PCNX4: variants seen among roughly 807,000 people sequenced by gnomAD.
The protein encoded by PCNX4 is pecanex 4, also known as pecanex-like protein 4.
A neutral mutation model predicts 107.2 loss-of-function variants in PCNX4; 103 were observed. The observed-to-expected ratio is 0.96, with a 90% CI of 0.82 to 1.13. The LOEUF (loss-of-function observed/expected upper bound fraction) is 1.13, where lower values mean the gene tolerates loss of function less well. PCNX4 is among the 50% of genes most tolerant of loss of function. PCNX4 has a pLI of 0.00. For synonymous variants in PCNX4, 541 were observed against 481.7 expected (o/e 1.12, Z -1.61); for missense variants, 1,528 against 1,379.4 (o/e 1.11, Z -1.71).
In PCNX4 at chr14:60,140,138, A is replaced by AG. The variant is rs1380942079; in HGVS notation, c.*5917_*5918insG. 3.3e-5 allele frequency: 5 copies of AG among 152,200 alleles called. No individual in the cohort carries two copies. The highest frequency in any genetic ancestry group is 5.9e-5 in the Non-Finnish European group (4 of 68,012). 9.4% of individuals were successfully genotyped at this position (152,200 alleles called of 1,614,324 possible). ...TAATTGATAAGTGTCTGGTAGACTG[A>AG]AAAAGGAAGAAACACAAACAACCAA... On this transcript the variant is annotated 3_prime_UTR_variant, in exon 11 of 11. Transcript: ENST00000406854. This position sits in a 1 kb window ranked among gnomAD's most constrained non-coding sequence, Gnocchi z 4.2.
chr14:60,096,513 G>A (rs754255272), intron 1 of PCNX4, among the ~76,000 whole-genome samples: 40 of 152,204 alleles, frequency 2.6e-4, no homozygotes, highest in Non-Finnish European at 5.4e-4. Flanking sequence ...TGGCAGGTCT[G>A]AATTACTCGT....
intron 10 of PCNX4, among the ~76,000 whole-genome samples, chr14:60,130,350 A>G (rs1036507054): frequency 1.3e-5 from 2 of 150,794 alleles, no homozygotes; most frequent in Admixed American, 6.6e-5. Context: ...AAACCACATG[A>G]TCATCTCGGT....
intron 2 of PCNX4, chr14:60,108,607 T>A (rs1404377391): frequency 4.5e-6 from 1 of 223,086 alleles, no homozygotes; most frequent in Non-Finnish European, 9.5e-6. Flanking sequence ...TTTGAGTTTT[T>A]AAGATAGCCT....
At position 60,143,368 on chromosome 14, in the gene PCNX4, A is replaced by C. The variant is rs776994106; in HGVS notation, c.*9147A>C. The C allele has an allele frequency of 2.0e-5, 3 of 152,214 alleles. No homozygotes were observed. Among genetic ancestry groups the C allele is most frequent in the Non-Finnish European group, 4.4e-5 (3 of 68,034 alleles). The allele number at this position is 152,214 out of a possible 1,614,324, so 9.4% of individuals were successfully genotyped here. A position where few individuals can be genotyped will look rare whatever the true frequency, so the allele number is the denominator to read the frequency against. On this transcript the variant is annotated 3_prime_UTR_variant, in exon 11 of 11. Transcript: ENST00000406854. ...TTATAATTGGTGTGTTGTATTCAATAAATAATGTTGTTATTCCAGTTTTCA... is the reference window on the plus strand; with the variant it reads ...TTATAATTGGTGTGTTGTATTCAATCAATAATGTTGTTATTCCAGTTTTCA...
rs199803338 is a variant in PCNX4 at position 60,115,111 on chromosome 14, T to G, written c.1007T>G (p.Ile336Ser). 6.2e-7 allele frequency: 1 copy of G among 1,613,950 alleles called. No individual in the cohort carries two copies. The highest frequency in any genetic ancestry group is 8.5e-7 in the Non-Finnish European group (1 of 1,179,856). ...AACTTAAGTGATATGGGTCACAAAA[T>G]TGGAACCAAATCTAAGGATTTACCC... is the stretch of plus-strand genomic sequence containing the variant. ...SLNLSDMGHK[I>S]GTKSKDLPSG... The change falls in exon 4 of 11, where the codon ATT becomes AGT. Residue 336 changes from isoleucine (I) to serine (S), a missense_variant. By Grantham distance (142) the Ile-to-Ser change is moderately radical (BLOSUM62 -2). Coordinates refer to ENST00000406854, the MANE Select transcript of PCNX4 (RefSeq NM_001330177.2).
intron 2 of PCNX4, among the ~76,000 whole-genome samples, chr14:60,114,093 C>CA (rs1005684983): frequency 1.3e-5 from 2 of 152,166 alleles, no homozygotes; most frequent in African/African-American, 2.4e-5. Flanking sequence ...TGCAGAGATA[C>CA]AGTCATAACC....
chr14:60,117,976 T>C (rs1185436959), intron 6 of PCNX4, among the ~76,000 whole-genome samples: 1 of 152,178 alleles, frequency 6.6e-6, no homozygotes, highest in Non-Finnish European at 1.5e-5. Context: ...GTTATTCAGA[T>C]TTTTTATTTC....
chr14:60,115,985 A>G lies in PCNX4; in HGVS notation c.1503A>G (p.Val501=). ...ATGCTTTATTGGAGACAGTCATTGT[A>G]TCAACAGTACACTTGATCTCCAGTA... ...TENALLETVI[V]STVHLISSTD... Residue 501 remains valine (V), a synonymous_variant, in exon 6 of 11, where the codon GTA becomes GTG. Coordinates refer to ENST00000406854, the MANE Select transcript of PCNX4 (RefSeq NM_001330177.2). 2 of 1,612,724 alleles carry G rather than the reference A, an allele frequency of 1.2e-6. No homozygotes were observed. Among genetic ancestry groups the G allele is most frequent in the East Asian group, 2.2e-5 (1 of 44,842 alleles).
rs1045374549 is a variant in PCNX4 at position 60,134,199 on chromosome 14, C to G, written c.3497C>G (p.Pro1166Arg). ...GGATATCCGATTTATTCTTCAAAAC[C>G]TCTCCACATACATTTGTATTAGAGC... ...PLGYPIYSSK[P>R]LHIHLY The change falls in exon 11 of 11, where the codon CCT becomes CGT. Residue 1166 changes from proline (P) to arginine (R), a missense_variant. Pro to Arg is a moderately radical substitution (Grantham distance 103). Coordinates refer to ENST00000406854, the MANE Select transcript of PCNX4 (RefSeq NM_001330177.2). 6.2e-7 allele frequency: 1 copy of G among 1,613,524 alleles called. No homozygotes were observed. The highest frequency in any genetic ancestry group is 8.5e-7 in the Non-Finnish European group (1 of 1,179,592).
chr14:60,105,996 C>G (rs982656113), intron 1 of PCNX4, among the ~76,000 whole-genome samples: 6 of 152,194 alleles, frequency 3.9e-5, no homozygotes, highest in East Asian at 3.9e-4. Context: ...GTGTGACCTT[C>G]CTTACCCATT....
intron 10 of PCNX4, among the ~76,000 whole-genome samples, chr14:60,126,796 C>G (rs1476100154): frequency 3.3e-5 from 5 of 152,208 alleles, no homozygotes; most frequent in Non-Finnish European, 5.9e-5. Flanking sequence ...GGGATGGAGA[C>G]TTTATCTTGG....
Position 60,116,456 on chromosome 14 carries a change from C to T in PCNX4, c.1578+396C>T, listed in dbSNP as rs535631355. Among the ~76,000 whole-genome samples the T allele has an allele frequency of 6.6e-5, 10 of 152,262 alleles. No individual in the cohort carries two copies. The East Asian group carries it at 1.2e-3, about 18-fold the overall frequency. ...AGTCAATGACAGACCACATATACAA[C>T]GGTGGTTTCATAAGATTATTATGGA... is the stretch of plus-strand genomic sequence containing the variant. On this transcript the variant is annotated intron_variant, in intron 6 of 10. Coordinates refer to ENST00000406854, the MANE Select transcript of PCNX4 (RefSeq NM_001330177.2).
rs1895598116 is a variant in PCNX4, at chr14:60,104,700, C to T, written c.-53-2886C>T. On this transcript the variant is annotated intron_variant, in intron 1 of 10. Transcript: ENST00000406854. Reference sequence around the variant, plus strand: ...AATCAGAACCGAGTGGAAGGGGTTTCCCCTTATAAAACCATCAGGTCTCGT... The same window carrying T: ...AATCAGAACCGAGTGGAAGGGGTTTTCCCTTATAAAACCATCAGGTCTCGT... Among the ~76,000 whole-genome samples, 4 of 152,124 alleles carry T rather than the reference C, an allele frequency of 2.6e-5. No individual in the cohort carries two copies. The South Asian group carries it at 8.3e-4, about 32-fold the overall frequency.
Position 60,143,997 on chromosome 14 carries a change from A to AC in PCNX4, c.*9778dup, listed in dbSNP as rs1896339246. 1 of 152,234 alleles carries AC rather than the reference A, an allele frequency of 6.6e-6. No individual in the cohort carries two copies. The highest frequency in any genetic ancestry group is 2.4e-5 in the African/African-American group (1 of 41,458). The allele number at this position is 152,234 out of a possible 1,614,324, so 9.4% of individuals were successfully genotyped here. A position where few individuals can be genotyped will look rare whatever the true frequency, so the allele number is the denominator to read the frequency against. ...GGCTTTACCCCTTACTAGCTTTGTG[A>AC]CCTTGACCTTGGAAAAGTAAAACCT... On this transcript the variant is annotated 3_prime_UTR_variant, in exon 11 of 11. Coordinates refer to ENST00000406854, the MANE Select transcript of PCNX4 (RefSeq NM_001330177.2).
intron 1 of PCNX4, among the ~76,000 whole-genome samples, chr14:60,098,521 C>T (rs1234924657): frequency 1.3e-5 from 2 of 152,200 alleles, no homozygotes; most frequent in Non-Finnish European, 1.5e-5. Context: ...GAGATGTTAA[C>T]GTGCTTGTTC....
intron 10 of PCNX4, among the ~76,000 whole-genome samples, chr14:60,129,675 C>T (rs548491264): frequency 6.6e-6 from 1 of 152,032 alleles, no homozygotes; most frequent in South Asian, 2.1e-4. Context: ...GGATTTGTAA[C>T]GTTTATAATG....
In PCNX4 at chr14:60,107,653, G is replaced by A; in HGVS notation, c.15G>A (p.Val5=). 6.2e-7 allele frequency: 1 copy of A among 1,612,298 alleles called. No homozygotes were observed. The highest frequency in any genetic ancestry group is 1.1e-5 in the South Asian group (1 of 91,018). MSPD[V]PLLNDYKQDF... is the part of the protein sequence containing the mutation. Reference sequence around the variant, plus strand: ...CCCGAGTGAGGATGAGTCCAGATGTGCCTCTACTGAATGATTACAAGCAGG... The same window carrying A: ...CCCGAGTGAGGATGAGTCCAGATGTACCTCTACTGAATGATTACAAGCAGG... Residue 5 remains valine, a synonymous_variant, in exon 2 of 11, where the codon GTG becomes GTA. Coordinates refer to ENST00000406854, the MANE Select transcript of PCNX4 (RefSeq NM_001330177.2).
At position 60,118,770 on chromosome 14, in the gene PCNX4, C is replaced by CT. The variant is rs1440574923; in HGVS notation, c.1942+83dup. 8.5e-6 allele frequency: 12 copies of CT among 1,417,624 alleles called. No individual in the cohort carries two copies. In the South Asian group the frequency reaches 2.0e-4, roughly 24 times the overall value. The allele number at this position is 1,417,624 out of a possible 1,614,324, so 87.8% of individuals were successfully genotyped here. A position where few individuals can be genotyped will look rare whatever the true frequency, so the allele number is the denominator to read the frequency against. On this transcript the variant is annotated intron_variant, in intron 7 of 10. Transcript: ENST00000406854. ...AAAAAATAACAAACAGGAAAACAAT[C>CT]TTTTTATCCAACCATAAGATAGCAT...
chr14:60,115,699 C>T lies in PCNX4; in HGVS notation c.1358-20C>T. ...GCTATTTTGCCTTAATTAAATTTCT[C>T]TCTTTTTGTTTTGTTTTAGTATCAC... On this transcript the variant is annotated intron_variant, in intron 4 of 10. Coordinates refer to ENST00000406854, the MANE Select transcript of PCNX4 (RefSeq NM_001330177.2). The T allele has an allele frequency of 1.3e-6, 2 of 1,590,506 alleles. No individual in the cohort carries two copies. Among genetic ancestry groups the T allele is most frequent in the Non-Finnish European group, 1.7e-6 (2 of 1,163,732 alleles).
Sources: allele counts gnomAD v4.1 joint callset (sites outside exome capture counted in the v4.1 genomes callset), GRCh38; gene constraint gnomAD v4.1.1; non-coding constraint Gnocchi (gnomAD v3.1); transcripts MANE v1.5; gene names NCBI Gene and HGNC (gene_info 2026-07-23, HGNC 2026-07-21).